Variants in TMEM175 observed in about 807,000 individuals in gnomAD.
TMEM175 encodes the protein transmembrane protein 175.
A neutral mutation model predicts 36.5 loss-of-function variants in TMEM175; 36 were observed. The ratio of observed to expected loss-of-function variants is 0.99; its 90% CI spans 0.76 to 1.30. The LOEUF is 1.30. Ranked by LOEUF, TMEM175 falls within the 50% of genes most tolerant of loss-of-function variation. The pLI, the probability that TMEM175 is intolerant of heterozygous loss-of-function variation, is 0.00. For synonymous variants in TMEM175, 339 were observed against 313.4 expected (o/e 1.08, Z -0.86); for missense variants, 705 against 692.8 (o/e 1.02, Z -0.20).
rs987212906 is a variant in TMEM175 at position 958,407 on chromosome 4, C to T, written c.1426C>T (p.Leu476=). Residue 476 remains leucine (L), a synonymous_variant, in exon 11 of 11, where the codon CTG becomes TTG. Transcript: ENST00000264771. ...CCTGGCCCTGGCCACCCTGCGGGTC[C>T]TGCGGGGCCTCGCCCGGCCCGAACA... ...VGLALATLRV[L]RGLARPEHPP... is the part of the protein sequence containing the mutation. 1 of 1,599,676 alleles carries T rather than the reference C, an allele frequency of 6.3e-7. No individual in the cohort carries two copies. The highest frequency in any genetic ancestry group is 1.3e-5 in the African/African-American group (1 of 74,874).
In TMEM175 at chr4:932,496, C is replaced by G. The variant is rs951975055; in HGVS notation, c.-76C>G. ...TGTCAAGCTCCCGGCCGGGCTGACTCAAGCGGAGGCGCGCGGAACAGTCGC... is the reference window on the plus strand; with the variant it reads ...TGTCAAGCTCCCGGCCGGGCTGACTGAAGCGGAGGCGCGCGGAACAGTCGC... On this transcript the variant is annotated 5_prime_UTR_variant, in exon 1 of 11. Coordinates refer to ENST00000264771, the MANE Select transcript of TMEM175 (RefSeq NM_032326.4). The surrounding 1 kb of genome is among the most constrained non-coding windows in gnomAD (Gnocchi z 4.0). The G allele has an allele frequency of 2.1e-6, 1 of 472,600 alleles. No homozygotes were observed. Among genetic ancestry groups the G allele is most frequent in the Non-Finnish European group, 3.6e-6 (1 of 274,636 alleles). The allele number at this position is 472,600 out of a possible 1,614,324, so 29.3% of individuals were successfully genotyped here.
chr4:957,634 C>T (rs903528095), intron 10 of TMEM175, among the ~76,000 whole-genome samples, 190 bp from the exon 11 acceptor site: 1 of 152,248 alleles, frequency 6.6e-6, no homozygotes, highest in Non-Finnish European at 1.5e-5. Flanking sequence ...TTCAGATGAA[C>T]AGCACGTAAC....
At chr4:933,106 T>C (rs1397625412) in intron 1 of TMEM175, among the ~76,000 whole-genome samples, 2 of 152,214 alleles carry the variant, frequency 1.3e-5, no homozygotes, top group Non-Finnish European at 2.9e-5. Context: ...TGACTTTCCT[T>C]ATAGGATAAT....
intron 6 of TMEM175, 88 bp downstream of exon 6, chr4:951,805 C>A (rs1411649229): frequency 1.5e-6 from 2 of 1,371,588 alleles, no homozygotes; most frequent in African/African-American, 1.4e-5. Context: ...AGCTGGATGG[C>A]CCAGGGCCCA....
At chr4:957,090 G>C (rs1370256060) in intron 10 of TMEM175, among the ~76,000 whole-genome samples, 1 of 152,202 alleles carries the variant, frequency 6.6e-6, no homozygotes, top group Non-Finnish European at 1.5e-5. Context: ...CCTCCACCTG[G>C]AGCCATGGCC....
chr4:948,670 A>G, intron 3 of TMEM175: 1 of 1,216,758 alleles, frequency 8.2e-7, no homozygotes, highest in Non-Finnish European at 1.0e-6. Context: ...TTCTGAGCTA[A>G]AGAGCCAAAC....
At chr4:948,087 T>A in intron 2 of TMEM175, 29 bp from the exon 3 acceptor site, 1 of 1,614,138 alleles carries the variant, frequency 6.2e-7, no homozygotes, top group South Asian at 1.1e-5. Flanking sequence ...CTTGCTCTCC[T>A]GCTTCCTTCT....
Position 958,384 on chromosome 4 carries a change from T to C in TMEM175, c.1403T>C (p.Leu468Pro). The change falls in exon 11 of 11, where the codon CTG becomes CCG. Residue 468 changes from leucine to proline, a missense_variant. Physicochemically the swap from Leu to Pro is moderately conservative, Grantham distance 98. Transcript: ENST00000264771. The part of the protein sequence containing the change: ...AFLLLRLLVG[L>P]ALATLRVLRG... ...CTGTTGCTGCGCCTGCTCGTGGGCC[T>C]GGCCCTGGCCACCCTGCGGGTCCTG... 3.7e-6 allele frequency: 6 copies of C among 1,602,062 alleles called. No individual in the cohort carries two copies. Among genetic ancestry groups the C allele is most frequent in the Non-Finnish European group, 4.2e-6 (5 of 1,179,632 alleles).
At chr4:944,532 C>T (rs546900389) in intron 1 of TMEM175, among the ~76,000 whole-genome samples, 31 of 152,206 alleles carry the variant, frequency 2.0e-4, no homozygotes, top group African/African-American at 7.2e-4. Flanking sequence ...GTTGCTGCAG[C>T]GCTGTCTGGA....
Position 958,187 on chromosome 4 carries a change from G to A in TMEM175, c.1206G>A (p.Ala402=), listed in dbSNP as rs373518638. The change falls in exon 11 of 11, where the codon GCG becomes GCA. Residue 402 remains alanine (A), a synonymous_variant. Coordinates refer to ENST00000264771, the MANE Select transcript of TMEM175 (RefSeq NM_032326.4). ...AMWTTALLHQ[A]ETLQPSVWFG... ...GGACCACGGCGCTGCTGCACCAGGCGGAGACGCTGCAGCCCTCGGTGTGGT... is the reference window on the plus strand; with the variant it reads ...GGACCACGGCGCTGCTGCACCAGGCAGAGACGCTGCAGCCCTCGGTGTGGT... 132 of 1,603,566 alleles carry A rather than the reference G, an allele frequency of 8.2e-5. No homozygotes were observed. The highest frequency in any genetic ancestry group is 9.3e-5 in the Non-Finnish European group (110 of 1,178,450).
At chr4:950,541 C>T (rs746289730) in intron 4 of TMEM175, 23 bp downstream of exon 4, 15 of 1,563,654 alleles carry the variant, frequency 9.6e-6, no homozygotes, top group African/African-American at 6.8e-5. Flanking sequence ...GCGCTTCCAG[C>T]GGTCCATAGC....
In TMEM175 at chr4:948,317, C is replaced by A; in HGVS notation, c.192+163C>A. On this transcript the variant is annotated intron_variant, in intron 3 of 10. Transcript: ENST00000264771. Reference sequence around the variant, plus strand: ...CCTCCTTGGAAAGGGAGGGAGCCAACAAGTCCTGCTCAGCCTGTGCTCACC... The same window carrying A: ...CCTCCTTGGAAAGGGAGGGAGCCAAAAAGTCCTGCTCAGCCTGTGCTCACC... 1.3e-6 allele frequency: 2 copies of A among 1,546,740 alleles called. 1 individual carries two copies. The highest frequency in any genetic ancestry group is 2.4e-5 in the South Asian group (2 of 85,096).
intron 8 of TMEM175, 147 bp downstream of exon 8, chr4:953,501 C>T: frequency 2.0e-6 from 2 of 1,017,572 alleles, no homozygotes; most frequent in Non-Finnish European, 2.7e-6. Context: ...AGGCCCAGGG[C>T]TGCAGTGAGT....
chr4:937,557 C>T (rs562513272), intron 1 of TMEM175, among the ~76,000 whole-genome samples: 71 of 152,002 alleles, frequency 4.7e-4, no homozygotes, highest in African/African-American at 1.5e-3. Context: ...GAGTGAAACT[C>T]GATCTCAAAA....
At chr4:945,951 G>C (rs554033255) in intron 1 of TMEM175, 2 of 152,284 alleles carry the variant, frequency 1.3e-5, no homozygotes, top group East Asian at 3.9e-4. Context: ...TCAATCCGAG[G>C]TACCTTTGAA....
chr4:939,677 C>G (rs758695941), intron 1 of TMEM175, among the ~76,000 whole-genome samples: 1 of 152,150 alleles, frequency 6.6e-6, no homozygotes, highest in Non-Finnish European at 1.5e-5. Context: ...GATCATGCCA[C>G]TGCACTCCAG....
At chr4:950,315 GC>G in intron 3 of TMEM175, 105 bp from the exon 4 acceptor site, 1 of 913,822 alleles carries the variant, frequency 1.1e-6, no homozygotes, top group Middle Eastern at 2.3e-4. Context: ...CGAGGGTTTC[GC>G]CCTGCCCTGG....
intron 7 of TMEM175, 101 bp downstream of exon 7, chr4:952,551 A>G (rs890470480): frequency 1.1e-4 from 120 of 1,069,892 alleles, no homozygotes; most frequent in African/African-American, 4.5e-4. Flanking sequence ...TAGGGGGCCC[A>G]GGGGGCCTGC....
chr4:941,314 T>G (rs1197494888), intron 1 of TMEM175, among the ~76,000 whole-genome samples: 1 of 141,178 alleles, frequency 7.1e-6, no homozygotes, highest in Non-Finnish European at 1.5e-5. Context: ...AGGCAGAGGT[T>G]GCAATGAGCC....
Sources: gnomAD v4.1 joint callset for allele counts (sites outside exome capture counted in the v4.1 genomes callset) on GRCh38, gnomAD v4.1.1 for gene constraint, Gnocchi (gnomAD v3.1) non-coding constraint, MANE v1.5 for transcripts, NCBI Gene and HGNC (gene_info 2026-07-23, HGNC 2026-07-21) for gene names.